ZFPM1: variants seen among roughly 807,000 people sequenced by gnomAD.
ZFPM1 encodes zinc finger protein, FOG family member 1, also known as zinc finger protein ZFPM1.
A neutral mutation model predicts 46.3 loss-of-function variants in ZFPM1; 28 were observed. The ratio of observed to expected loss-of-function variants is 0.60; its 90% CI spans 0.45 to 0.83. ZFPM1 has a LOEUF of 0.83. Among genes scored for constraint, ZFPM1 ranks in the 40% least tolerant of loss-of-function variants. The probability of loss-of-function intolerance (pLI) is 0.00; values close to 1 mark genes in which losing one functional copy is unlikely to be tolerated. For missense variants in ZFPM1, 1,878 were observed against 1,432.4 expected, an observed-to-expected ratio of 1.31 and a Z score of -5.02; for synonymous variants, 957 against 675.9, an observed-to-expected ratio of 1.42 and a Z score of -6.45.
chr16:88,524,475 C>T lies in ZFPM1; in HGVS notation c.403-2339C>T, dbSNP rs572612170. On this transcript the variant is annotated intron_variant, in intron 4 of 9. Coordinates refer to ENST00000319555, the MANE Select transcript of ZFPM1 (RefSeq NM_153813.3). Reference sequence around the variant, plus strand: ...GTCCTTTAAAAGGGGGGCACCCACCCGATGCCAGCCTGCACAAAGCACCTT... The same window carrying T: ...GTCCTTTAAAAGGGGGGCACCCACCTGATGCCAGCCTGCACAAAGCACCTT... 1.9e-3 allele frequency among the ~76,000 whole-genome samples: 287 copies of T among 152,334 alleles called. 4 individuals are homozygous for T. The highest frequency in any genetic ancestry group is 6.6e-3 in the African/African-American group (276 of 41,570).
At chr16:88,473,223 C>A (rs1908508043) in intron 1 of ZFPM1, among the ~76,000 whole-genome samples, 1 of 152,264 alleles carries the variant, frequency 6.6e-6, no homozygotes, top group Admixed American at 6.5e-5. Context: ...TGGGGTGAAT[C>A]CTGCTCCTGG....
At position 88,469,756 on chromosome 16, in the gene ZFPM1, C is replaced by T. The variant is rs182618565; in HGVS notation, c.40+16078C>T. 5.3e-4 allele frequency among the ~76,000 whole-genome samples: 80 copies of T among 151,790 alleles called. No individual in the cohort carries two copies. The highest frequency in any genetic ancestry group is 1.9e-3 in the African/African-American group (78 of 41,390). ...GTGTAAGTGGAAAATAGTGGCGGGG[C>T]GAGGAGAGAAAGAGTCTGGGCTGAG... On this transcript the variant is annotated intron_variant, in intron 1 of 9. Transcript: ENST00000319555. This position sits in a 1 kb window ranked among gnomAD's most constrained non-coding sequence, Gnocchi z 4.3.
At chr16:88,491,798 C>G (rs974411892) in intron 3 of ZFPM1, among the ~76,000 whole-genome samples, 1 of 152,240 alleles carries the variant, frequency 6.6e-6, no homozygotes. Flanking sequence ...TGGGCTGATA[C>G]GCGGCCGCTG....
Position 88,516,807 on chromosome 16 carries a change from A to T in ZFPM1, c.402+2287A>T, listed in dbSNP as rs75818838. Reference sequence around the variant, plus strand: ...TTTTCTTCTCTCTTTGTAGAAGGAGAAGGGGGAGGGGTGCAGATGCGATGC... The same window carrying T: ...TTTTCTTCTCTCTTTGTAGAAGGAGTAGGGGGAGGGGTGCAGATGCGATGC... On this transcript the variant is annotated intron_variant, in intron 4 of 9. Coordinates refer to ENST00000319555, the MANE Select transcript of ZFPM1 (RefSeq NM_153813.3). Among the ~76,000 whole-genome samples the T allele has an allele frequency of 5.9e-3, 905 of 152,134 alleles. 6 individuals carry two copies. The highest frequency in any genetic ancestry group is 0.02 in the African/African-American group (840 of 41,490).
intron 1 of ZFPM1, among the ~76,000 whole-genome samples, chr16:88,464,270 C>T (rs1908026228): frequency 6.6e-6 from 1 of 152,210 alleles, no homozygotes; most frequent in Non-Finnish European, 1.5e-5. Flanking sequence ...TTGAGACCCA[C>T]AGGGGCAGGG....
chr16:88,520,880 G>A (rs1272419331), intron 4 of ZFPM1, among the ~76,000 whole-genome samples: 1 of 123,062 alleles, frequency 8.1e-6, no homozygotes. Context: ...CGGATGGATG[G>A]GAGGGAGGGA....
At chr16:88,454,553 G>A (rs1372689770) in intron 1 of ZFPM1, among the ~76,000 whole-genome samples, 2 of 152,192 alleles carry the variant, frequency 1.3e-5, no homozygotes, top group African/African-American at 2.4e-5. Flanking sequence ...TTTCTCGCTG[G>A]TCCGGCTCCC....
At chr16:88,505,571 G>C (rs111688557) in intron 3 of ZFPM1, among the ~76,000 whole-genome samples, 1 of 152,196 alleles carries the variant, frequency 6.6e-6, no homozygotes, top group Non-Finnish European at 1.5e-5. Flanking sequence ...GGCCGGCATC[G>C]CCCTCCGCAC....
chr16:88,458,583 C>G (rs1446282508), intron 1 of ZFPM1, among the ~76,000 whole-genome samples: 1 of 152,252 alleles, frequency 6.6e-6, no homozygotes, highest in East Asian at 1.9e-4. Context: ...GAATAATACT[C>G]CCGCTGGCCT....
chr16:88,523,967 C>G (rs558616567), intron 4 of ZFPM1, among the ~76,000 whole-genome samples: 23 of 152,212 alleles, frequency 1.5e-4, no homozygotes, highest in Non-Finnish European at 2.5e-4. Context: ...ACAGAAAAAT[C>G]GGGGGTGCGT....
rs1290445351 is a variant in ZFPM1 at position 88,497,757 on chromosome 16, C to T, written c.268+8604C>T. Among the ~76,000 whole-genome samples, 6 of 152,076 alleles carry T rather than the reference C, an allele frequency of 3.9e-5. No individual in the cohort carries two copies. Among genetic ancestry groups the T allele is most frequent in the East Asian group, 1.9e-4 (1 of 5,160 alleles). On this transcript the variant is annotated intron_variant, in intron 3 of 9. Coordinates refer to ENST00000319555, the MANE Select transcript of ZFPM1 (RefSeq NM_153813.3). This position sits in a 1 kb window ranked among gnomAD's most constrained non-coding sequence, Gnocchi z 5.4. ...TGCCTGAGGCCCACGAAGGGTCCCC[C>T]GCCCCAGGGTCCCGACAGGGCCCGC... is the stretch of plus-strand genomic sequence containing the variant.
intron 1 of ZFPM1, among the ~76,000 whole-genome samples, chr16:88,474,099 TGTGGACTTGGCAGGCGGCGGC>T (rs1908555861): frequency 2.6e-5 from 4 of 152,174 alleles, no homozygotes; most frequent in Non-Finnish European, 5.9e-5. Context: ...ACCGATAGGA[TGTGGACTTGGCAGGCGGCGGC>T]TCCGGCTGAA....
At chr16:88,510,377 C>G (rs181359618) in intron 3 of ZFPM1, among the ~76,000 whole-genome samples, 1 of 152,242 alleles carries the variant, frequency 6.6e-6, no homozygotes, top group African/African-American at 2.4e-5. Flanking sequence ...CAAGCTCTGC[C>G]TGGTCCTCGG....
At chr16:88,455,659 G>A (rs1907518400) in intron 1 of ZFPM1, among the ~76,000 whole-genome samples, 1 of 152,068 alleles carries the variant, frequency 6.6e-6, no homozygotes, top group Non-Finnish European at 1.5e-5. Flanking sequence ...AAGCCCTGGC[G>A]CAGCTGCCCG....
Position 88,534,330 on chromosome 16 carries a change from C to A in ZFPM1, c.2372C>A (p.Ala791Asp). The A allele has an allele frequency of 7.4e-7, 1 of 1,358,976 alleles. No individual in the cohort carries two copies. 84.2% of individuals were successfully genotyped at this position (1,358,976 alleles called of 1,614,324 possible). ...LAPARSPGPA[A>D]DGPIDLSKKP... is the part of the protein sequence containing the mutation. ...CCTGCGCGCTCGCCCGGCCCCGCGG[C>A]CGACGGCCCCATCGACCTGAGCAAG... Residue 791 changes from alanine to aspartate, a missense_variant, in exon 10 of 10, where the codon GCC becomes GAC. Ala to Asp is a moderately radical substitution (Grantham distance 126). Coordinates refer to ENST00000319555, the MANE Select transcript of ZFPM1 (RefSeq NM_153813.3).
intron 1 of ZFPM1, among the ~76,000 whole-genome samples, chr16:88,475,023 A>G (rs1908610272): frequency 6.6e-6 from 1 of 152,206 alleles, no homozygotes; most frequent in Non-Finnish European, 1.5e-5. Flanking sequence ...CCATGCAGGG[A>G]CAGGTCTGGC....
At position 88,480,609 on chromosome 16, in the gene ZFPM1, T is replaced by C. The variant is rs1479418808; in HGVS notation, c.41-5330T>C. The stretch of plus-strand genomic sequence containing the variant: ...GGCCAGCATAGGCGCCTGTGTCCCC[T>C]GCAGGCACCCACTGGGGACTTAGGC... On this transcript the variant is annotated intron_variant, in intron 1 of 9. Coordinates refer to ENST00000319555, the MANE Select transcript of ZFPM1 (RefSeq NM_153813.3). This position sits in a 1 kb window ranked among gnomAD's most constrained non-coding sequence, Gnocchi z 4.9. Among the ~76,000 whole-genome samples the C allele has an allele frequency of 6.6e-6, 1 of 152,216 alleles. No individual in the cohort carries two copies. Among genetic ancestry groups the C allele is most frequent in the Non-Finnish European group, 1.5e-5 (1 of 68,036 alleles).
intron 1 of ZFPM1, among the ~76,000 whole-genome samples, chr16:88,482,200 C>T (rs1431488923): frequency 1.3e-5 from 2 of 152,120 alleles, no homozygotes; most frequent in African/African-American, 2.4e-5. Flanking sequence ...GCAGCTGTGG[C>T]TCACAGATGC....
intron 1 of ZFPM1, among the ~76,000 whole-genome samples, chr16:88,468,625 TCTGA>T (rs1908270284): frequency 1.3e-5 from 2 of 152,016 alleles, no homozygotes; most frequent in African/African-American, 4.8e-5. Context: ...CATGCAGCTT[TCTGA>T]CCCTAGACTT....
Sources: allele counts gnomAD v4.1 joint callset (sites outside exome capture counted in the v4.1 genomes callset), GRCh38; gene constraint gnomAD v4.1.1; non-coding constraint Gnocchi (gnomAD v3.1); transcripts MANE v1.5; gene names NCBI Gene and HGNC (gene_info 2026-07-23, HGNC 2026-07-21).